The following CSF1R variants were observed in gnomAD, a reference collection of about 807,000 sequenced individuals.
CSF1R encodes macrophage colony-stimulating factor 1 receptor.
Under a neutral mutation model 110.0 loss-of-function variants are expected in CSF1R, and 40 were observed. That is an observed-to-expected ratio of 0.36 (90% CI 0.28 to 0.47). The LOEUF (loss-of-function observed/expected upper bound fraction) is 0.47. CSF1R is among the 20% of genes least tolerant of loss of function. The pLI is 0.99. For missense variants in CSF1R, 1,052 were observed against 1,253.0 expected (o/e 0.84, Z 2.42); for synonymous variants, 523 against 503.4 (o/e 1.04, Z -0.52).
intron 1 of CSF1R, among the ~76,000 whole-genome samples, chr5:150,083,532 T>A (rs1758660231): frequency 6.6e-6 from 1 of 151,768 alleles, no homozygotes; most frequent in South Asian, 2.1e-4. Flanking sequence ...CCTCATCCAC[T>A]CATCATTGGT....
intron 13 of CSF1R, 95 bp downstream of exon 13, chr5:150,060,767 T>A: frequency 2.7e-6 from 2 of 739,772 alleles, no homozygotes; most frequent in Non-Finnish European, 4.5e-6. Context: ...AGCAGTAGGA[T>A]CCTGAGAAGG....
chr5:150,081,443 T>A (rs939860748), intron 1 of CSF1R, among the ~76,000 whole-genome samples: 1 of 152,036 alleles, frequency 6.6e-6, no homozygotes, highest in Admixed American at 6.5e-5. Context: ...CACGGCCAAG[T>A]CCTCAGCTTA....
At chr5:150,073,911 G>A (rs1217125218) in intron 5 of CSF1R, among the ~76,000 whole-genome samples, 2 of 152,152 alleles carry the variant, frequency 1.3e-5, no homozygotes, top group Non-Finnish European at 2.9e-5. Flanking sequence ...TCCAAATATA[G>A]CTCTGGAGTA....
At position 150,086,446 on chromosome 5, in the gene CSF1R, G is replaced by T. The variant is rs1220059567; in HGVS notation, c.-19C>A. 1 of 1,602,424 alleles carries T rather than the reference G, an allele frequency of 6.2e-7. No homozygotes were observed. Among genetic ancestry groups the T allele is most frequent in the South Asian group, 1.1e-5 (1 of 88,344 alleles). ...GGCCCATGGCCTCGGTGGGGAAGTG[G>T]CAGGCAGGTGCAGGGCTGCAAGGTG... is the stretch of plus-strand genomic sequence containing the variant. On this transcript the variant is annotated 5_prime_UTR_variant, in exon 1 of 21. Transcript: ENST00000675795.
chr5:150,058,173 A>G (rs1043139797), intron 14 of CSF1R: 42 of 455,246 alleles, frequency 9.2e-5, no homozygotes, highest in Middle Eastern at 9.0e-4. Context: ...TCATGTGCAG[A>G]TAAATCACCC....
At position 150,084,926 on chromosome 5, in the gene CSF1R, T is replaced by C. The variant is rs551042368; in HGVS notation, c.49+1453A>G. 4.6e-5 allele frequency among the ~76,000 whole-genome samples: 7 copies of C among 152,240 alleles called. No individual in the cohort carries two copies. The South Asian group carries it at 1.2e-3, about 27-fold the overall frequency. Reference sequence around the variant, plus strand: ...GGCGGGTACACTGTGTGTGCATTTGTCAGACCTCATTGAACTTAAGAACCT... The same window carrying C: ...GGCGGGTACACTGTGTGTGCATTTGCCAGACCTCATTGAACTTAAGAACCT... On this transcript the variant is annotated intron_variant, in intron 1 of 20. Coordinates refer to ENST00000675795, the MANE Select transcript of CSF1R (RefSeq NM_001288705.3).
At position 150,070,560 on chromosome 5, in the gene CSF1R, G is replaced by A. The variant is rs1270799832; in HGVS notation, c.1094C>T (p.Thr365Ile). Residue 365 changes from threonine (T) to isoleucine (I), a missense_variant, in exon 7 of 21, where the codon ACC (threonine) becomes ATC (isoleucine). Transcript: ENST00000675795. The part of the protein sequence containing the change: ...TTKDTYRHTF[T>I]LSLPRLKPSE... ...GGGCTTCAGGCGGGGCAGAGAGAGG[G>A]TGAAGGTGTGCCTGCAGGAGAGAAT... 2.6e-6 allele frequency: 4 copies of A among 1,532,426 alleles called. No individual in the cohort carries two copies. The highest frequency in any genetic ancestry group is 2.5e-5 in the South Asian group (2 of 80,252). 94.9% of individuals were successfully genotyped at this position (1,532,426 alleles called of 1,614,324 possible).
chr5:150,070,691 C>CAACG, intron 6 of CSF1R, 120 bp from the exon 7 acceptor site: 1 of 677,030 alleles, frequency 1.5e-6, no homozygotes. Context: ...ATTCAGGGCC[C>CAACG]AACGGCCTTG....
At chr5:150,077,629 G>A (rs937259104) in intron 4 of CSF1R, among the ~76,000 whole-genome samples, 194 bp from the exon 5 acceptor site, 4 of 152,168 alleles carry the variant, frequency 2.6e-5, no homozygotes, top group Non-Finnish European at 5.9e-5. Context: ...GCATGCAAGT[G>A]GCTTAGGGCT....
Position 150,070,545 on chromosome 5 carries a change from C to T in CSF1R, c.1109G>A (p.Arg370His), listed in dbSNP as rs1415767125. The T allele has an allele frequency of 3.9e-6, 6 of 1,545,228 alleles. No homozygotes were observed. Among genetic ancestry groups the T allele is most frequent in the African/African-American group, 1.4e-5 (1 of 72,784 alleles). Residue 370 changes from arginine to histidine, a missense_variant, in exon 7 of 21, where the codon CGC (arginine) becomes CAC (histidine). This residue lies in a region of CSF1R where 693 missense variants were observed against 735.4 expected (regional missense o/e 0.94). Transcript: ENST00000675795. ...GCGGCCAGCCTCAGAGGGCTTCAGG[C>T]GGGGCAGAGAGAGGGTGAAGGTGTG... is the stretch of plus-strand genomic sequence containing the variant. ...YRHTFTLSLP[R>H]LKPSEAGRYS... is the part of the protein sequence containing the mutation.
chr5:150,068,668 G>A (rs995404002), intron 9 of CSF1R, among the ~76,000 whole-genome samples: 5 of 152,190 alleles, frequency 3.3e-5, no homozygotes, highest in Non-Finnish European at 5.9e-5. Flanking sequence ...GCCCAGCCAT[G>A]GCTTGCATGC....
chr5:150,066,402 C>A (rs988938465), intron 10 of CSF1R, among the ~76,000 whole-genome samples: 1 of 152,232 alleles, frequency 6.6e-6, no homozygotes, highest in African/African-American at 2.4e-5. Flanking sequence ...GACCCAGATT[C>A]ACTGAAGTCC....
chr5:150,055,526 T>C lies in CSF1R; in HGVS notation c.2555-190A>G, dbSNP rs147370820. ...CTTAGGCTTTAGGAAGGTGTGAGCC[T>C]CTATCCAGGCCTTATCACACCAAAC... On this transcript the variant is annotated intron_variant, in intron 18 of 20. Coordinates refer to ENST00000675795, the MANE Select transcript of CSF1R (RefSeq NM_001288705.3). Among the ~76,000 whole-genome samples the C allele has an allele frequency of 7.5e-3, 1,143 of 152,336 alleles. 5 individuals are homozygous for C. Among genetic ancestry groups the C allele is most frequent in the Non-Finnish European group, 0.011 (762 of 68,036 alleles).
intron 3 of CSF1R, among the ~76,000 whole-genome samples, 156 bp from the exon 4 acceptor site, chr5:150,078,404 C>A (rs1447603266): frequency 6.6e-6 from 1 of 152,044 alleles, no homozygotes; most frequent in African/African-American, 2.4e-5. Flanking sequence ...CCCAGTCCCC[C>A]CACTGCAAGG....
At chr5:150,086,040 C>G (rs1488114318) in intron 1 of CSF1R, among the ~76,000 whole-genome samples, 2 of 152,216 alleles carry the variant, frequency 1.3e-5, no homozygotes, top group East Asian at 3.8e-4. Context: ...AAAAGCACTG[C>G]TCTGGTCTAG....
At chr5:150,055,072 C>T (rs921043716) in intron 19 of CSF1R, among the ~76,000 whole-genome samples, 165 bp downstream of exon 19, 9 of 152,004 alleles carry the variant, frequency 5.9e-5, no homozygotes, top group Non-Finnish European at 1.2e-4. Context: ...GAGAACATCC[C>T]CCATAGCTTG....
chr5:150,083,666 T>C (rs6861372), intron 1 of CSF1R, among the ~76,000 whole-genome samples: 97,913 of 151,866 alleles, frequency 0.64, 32,407 homozygotes, highest in African/African-American at 0.79. Context: ...AATAAAAACT[T>C]GGGACCCTAA....
intron 1 of CSF1R, among the ~76,000 whole-genome samples, chr5:150,103,720 A>G (rs755452691): frequency 6.6e-6 from 1 of 152,198 alleles, no homozygotes; most frequent in African/African-American, 2.4e-5. Flanking sequence ...CAGAAAGGAA[A>G]TCCCAGGAGA....
chr5:150,059,886 T>C, intron 13 of CSF1R, 24 bp from the exon 14 acceptor site: 1 of 1,592,150 alleles, frequency 6.3e-7, no homozygotes, highest in East Asian at 2.3e-5. Context: ...GGGTGTGGGG[T>C]GAGGGAGGTG....
Sources: allele counts gnomAD v4.1 joint callset (sites outside exome capture counted in the v4.1 genomes callset), GRCh38; gene constraint gnomAD v4.1.1; regional missense constraint gnomAD v4.1.1; transcripts MANE v1.5; gene names NCBI Gene and HGNC (gene_info 2026-07-23, HGNC 2026-07-21).